NELL1: variants seen among roughly 807,000 people sequenced by gnomAD.
NELL1 encodes protein kinase C-binding protein NELL1.
NELL1 carries 76 observed loss-of-function variants against 107.4 expected under a neutral mutation model. That is an observed-to-expected ratio of 0.71 (90% CI 0.59 to 0.86). The LOEUF (loss-of-function observed/expected upper bound fraction) is 0.86. NELL1 is among the 40% of genes least tolerant of loss of function. NELL1 has a pLI of 0.00. For synonymous variants in NELL1, 353 were observed against 341.2 expected (o/e 1.03, Z -0.38); for missense variants, 1,024 against 1,005.5 (o/e 1.02, Z -0.25).
chr11:20,965,977 A>G (rs1164367141), intron 12 of NELL1, among the ~76,000 whole-genome samples: 3 of 152,204 alleles, frequency 2.0e-5, no homozygotes, highest in Non-Finnish European at 4.4e-5. Context: ...ATATTTAGGT[A>G]ACTTCTTTTA....
chr11:20,707,440 G>A (rs958953630), intron 2 of NELL1, among the ~76,000 whole-genome samples: 1 of 152,230 alleles, frequency 6.6e-6, no homozygotes, highest in Non-Finnish European at 1.5e-5. Flanking sequence ...GAGGAGAAGA[G>A]GCGCTCTGAT....
intron 14 of NELL1, among the ~76,000 whole-genome samples, chr11:21,230,684 C>G (rs532145987): frequency 6.6e-6 from 1 of 152,108 alleles, no homozygotes; most frequent in African/African-American, 2.4e-5. Context: ...TAATTTACAA[C>G]GACTAAGTCA....
chr11:20,822,350 C>T (rs1394436064), intron 3 of NELL1, among the ~76,000 whole-genome samples: 1 of 152,184 alleles, frequency 6.6e-6, no homozygotes, highest in African/African-American at 2.4e-5. Context: ...CAGATGGAAG[C>T]CATTAGCAAT....
chr11:21,133,738 TG>T (rs796175300), intron 13 of NELL1, among the ~76,000 whole-genome samples: 4 of 10,084 alleles, frequency 4.0e-4, no homozygotes, highest in East Asian at 2.4e-3. Context: ...TGGGGCTTGG[TG>T]GGGGGGTGGG....
intron 13 of NELL1, among the ~76,000 whole-genome samples, chr11:21,222,894 G>A (rs966526018): frequency 6.6e-6 from 1 of 151,816 alleles, no homozygotes; most frequent in Non-Finnish European, 1.5e-5. Context: ...TTGTTCCATT[G>A]TGGTCTGTGA....
chr11:21,141,001 G>T (rs1855854094), intron 13 of NELL1, among the ~76,000 whole-genome samples: 1 of 152,176 alleles, frequency 6.6e-6, no homozygotes, highest in Non-Finnish European at 1.5e-5. Context: ...CTGCAAAGTA[G>T]TCTGCCTGTG....
At chr11:20,755,546 TTTTGTTTTTGTTTTTG>T (rs1374579378) in intron 2 of NELL1, among the ~76,000 whole-genome samples, 2,275 of 45,408 alleles carry the variant, frequency 0.05, 70 homozygotes, top group African/African-American at 0.13. Flanking sequence ...TTTTGTTTTT[TTTTGTTTTTGTTTTTG>T]TTTTTTTTTT....
chr11:20,729,909 C>A (rs1222199965), intron 2 of NELL1, among the ~76,000 whole-genome samples: 2 of 152,154 alleles, frequency 1.3e-5, no homozygotes, highest in African/African-American at 4.8e-5. Context: ...GATGGAATGA[C>A]TGTGTTAGTC....
chr11:20,898,191 C>T (rs184918645), intron 5 of NELL1, among the ~76,000 whole-genome samples: 2 of 152,250 alleles, frequency 1.3e-5, no homozygotes, highest in African/African-American at 2.4e-5. Context: ...CAATGATAGA[C>T]TGGATTAAGA....
At chr11:21,138,165 C>CT (rs1855785970) in intron 13 of NELL1, among the ~76,000 whole-genome samples, 1 of 152,106 alleles carries the variant, frequency 6.6e-6, no homozygotes, top group African/African-American at 2.4e-5. Context: ...TTGGGGAAAT[C>CT]TCATAATTGC....
chr11:21,232,159 A>AAAAATATATATATATAT (rs1554985116), intron 14 of NELL1, among the ~76,000 whole-genome samples: 1 of 73,206 alleles, frequency 1.4e-5, no homozygotes, highest in African/African-American at 5.2e-5. Context: ...AAAAAAAAAA[A>AAAAATATATATATATAT]ATATATATAT....
chr11:20,708,985 A>C (rs1027906384), intron 2 of NELL1, among the ~76,000 whole-genome samples: 1 of 152,160 alleles, frequency 6.6e-6, no homozygotes, highest in African/African-American at 2.4e-5. Context: ...CACAGTTCAC[A>C]ATAGGGGTCA....
intron 2 of NELL1, among the ~76,000 whole-genome samples, chr11:20,680,543 C>T (rs1025625584): frequency 4.6e-5 from 7 of 151,906 alleles, no homozygotes; most frequent in African/African-American, 1.2e-4. Context: ...AATACAATGG[C>T]GGGACAGGCA....
intron 12 of NELL1, among the ~76,000 whole-genome samples, chr11:21,009,144 A>G (rs911370781): frequency 6.6e-6 from 1 of 152,122 alleles, no homozygotes; most frequent in Non-Finnish European, 1.5e-5. Flanking sequence ...GGACCCAAGG[A>G]TGCTCATCTC....
At chr11:21,158,566 C>A (rs1330645126) in intron 13 of NELL1, among the ~76,000 whole-genome samples, 4 of 152,292 alleles carry the variant, frequency 2.6e-5, no homozygotes, top group Admixed American at 2.0e-4. Context: ...CATTCTATAT[C>A]TTTACCCTTT....
At chr11:20,883,210 T>G (rs983477215) in intron 4 of NELL1, among the ~76,000 whole-genome samples, 1 of 152,154 alleles carries the variant, frequency 6.6e-6, no homozygotes, top group South Asian at 2.1e-4. Flanking sequence ...ACATGGGAAA[T>G]GAGAACACCA....
chr11:21,458,920 A>G (rs558973651), intron 15 of NELL1, among the ~76,000 whole-genome samples: 9 of 93,662 alleles, frequency 9.6e-5, no homozygotes, highest in African/African-American at 2.6e-4. Flanking sequence ...GGAACTCACA[A>G]TATTAATATT....
intron 2 of NELL1, among the ~76,000 whole-genome samples, chr11:20,690,092 A>T (rs1171663905): frequency 6.6e-5 from 10 of 152,068 alleles, no homozygotes; most frequent in African/African-American, 2.4e-4. Flanking sequence ...TTCTTTTGAG[A>T]AGTGTCTGTT....
chr11:20,789,066 G>A (rs1276067576), intron 3 of NELL1, among the ~76,000 whole-genome samples: 1 of 152,110 alleles, frequency 6.6e-6, no homozygotes, highest in African/African-American at 2.4e-5. Context: ...CTTATTTCTG[G>A]TCTCTTACTG....
Sources: gnomAD v4.1 joint callset for allele counts (sites outside exome capture counted in the v4.1 genomes callset) on GRCh38, gnomAD v4.1.1 for gene constraint, MANE v1.5 for transcripts, NCBI Gene and HGNC (gene_info 2026-07-23, HGNC 2026-07-21) for gene names.